PINX1: variants seen among roughly 807,000 people sequenced by gnomAD.
PINX1 encodes the protein PIN2 (TERF1) interacting telomerase inhibitor 1.
Under a neutral mutation model 25.4 loss-of-function variants are expected in PINX1, and 34 were observed. That is an observed-to-expected ratio of 1.34 (90% confidence interval 1.02 to 1.78). The LOEUF (loss-of-function observed/expected upper bound fraction) is 1.78, where lower values mean the gene tolerates loss of function less well. PINX1 is among the 40% of genes most tolerant of loss of function. PINX1 has a pLI of 0.00. For synonymous variants in PINX1, 197 were observed against 147.7 expected, an observed-to-expected ratio of 1.33 and a Z score of -2.42; for missense variants, 592 against 404.9, an observed-to-expected ratio of 1.46 and a Z score of -3.97.
Position 10,831,646 on chromosome 8 carries a change from T to C in PINX1, c.301+19A>G, listed in dbSNP as rs367930316. 6.0e-5 allele frequency: 90 copies of C among 1,511,478 alleles called. No individual in the cohort carries two copies. The African/African-American group carries it at 1.1e-3, about 19-fold the overall frequency. The allele number at this position is 1,511,478 out of a possible 1,614,324, so 93.6% of individuals were successfully genotyped here. ...TAAACATATTTGCATTGAGAACTTA[T>C]GTCATCTGATTTCCCTACCTGTGGT... On this transcript the variant is annotated intron_variant, in intron 4 of 6. Coordinates refer to ENST00000314787, the MANE Select transcript of PINX1 (RefSeq NM_017884.6).
chr8:10,774,608 A>ACT (rs200013202), intron 6 of PINX1, among the ~76,000 whole-genome samples: 3 of 152,218 alleles, frequency 2.0e-5, no homozygotes, highest in South Asian at 2.1e-4. Flanking sequence ...AGAATAAAAT[A>ACT]TTCATTTTGA....
rs139299081 is a variant in PINX1 at position 10,833,129 on chromosome 8, G to C, written c.130-145C>G. 413 of 553,012 alleles carry C rather than the reference G, an allele frequency of 7.5e-4. 1 individual carries two copies. In the African/African-American group the frequency reaches 7.5e-3, roughly 10 times the overall value. 34.3% of individuals were successfully genotyped at this position (553,012 alleles called of 1,614,324 possible). ...TAAATACTTTCACAAAGCAACATGG[G>C]GGAGGACTCTAAGTCCTCTGCATCA... On this transcript the variant is annotated intron_variant, in intron 2 of 6. Coordinates refer to ENST00000314787, the MANE Select transcript of PINX1 (RefSeq NM_017884.6).
intron 6 of PINX1, among the ~76,000 whole-genome samples, chr8:10,804,388 C>A (rs1022114139): frequency 6.6e-6 from 1 of 152,128 alleles, no homozygotes; most frequent in Admixed American, 6.5e-5. Flanking sequence ...TGACACAGAG[C>A]TGGGTGAGAA....
At chr8:10,818,726 C>A (rs1324686861) in intron 6 of PINX1, among the ~76,000 whole-genome samples, 1 of 152,004 alleles carries the variant, frequency 6.6e-6, no homozygotes, top group Admixed American at 6.6e-5. Context: ...GGAGTTGATA[C>A]AAAGGCTCAG....
intron 6 of PINX1, among the ~76,000 whole-genome samples, chr8:10,802,456 G>A (rs978544584): frequency 6.6e-6 from 1 of 152,204 alleles, no homozygotes; most frequent in African/African-American, 2.4e-5. Context: ...GCCTGGAATA[G>A]CTTTGTACTC....
At position 10,836,834 on chromosome 8, in the gene PINX1, G is replaced by C. The variant is rs927333506; in HGVS notation, c.20-2059C>G. On this transcript the variant is annotated intron_variant, in intron 1 of 6. Transcript: ENST00000314787. ...CAGAGCAGGCCTGCCATGCTTCCCA[G>C]ACTTCACTTGACCAGAACCCTGCTT... is the stretch of plus-strand genomic sequence containing the variant. Among the ~76,000 whole-genome samples the C allele has an allele frequency of 2.0e-5, 3 of 152,314 alleles. No individual in the cohort carries two copies. In the Middle Eastern group the frequency reaches 0.01, roughly 518 times the overall value.
intron 6 of PINX1, among the ~76,000 whole-genome samples, chr8:10,795,154 G>T (rs760006076): frequency 6.6e-6 from 1 of 152,144 alleles, no homozygotes; most frequent in East Asian, 1.9e-4. Context: ...CAAATCACTT[G>T]GTTGGGTGAA....
intron 1 of PINX1, among the ~76,000 whole-genome samples, chr8:10,837,935 G>A (rs528415405): frequency 1.3e-5 from 2 of 152,338 alleles, no homozygotes; most frequent in South Asian, 4.1e-4. Flanking sequence ...CTTAAAGGAA[G>A]CGAAAGCCTA....
At chr8:10,778,463 C>CT (rs1396967956) in intron 6 of PINX1, among the ~76,000 whole-genome samples, 2 of 152,168 alleles carry the variant, frequency 1.3e-5, no homozygotes, top group African/African-American at 4.8e-5. Flanking sequence ...TAACACATTT[C>CT]TCTGTCTCAT....
chr8:10,808,920 T>C (rs762307495), intron 6 of PINX1, among the ~76,000 whole-genome samples: 5 of 152,180 alleles, frequency 3.3e-5, no homozygotes, highest in Admixed American at 6.5e-5. Context: ...AAAACTGCAG[T>C]CACACAAACT....
At chr8:10,806,934 C>A (rs574858414) in intron 6 of PINX1, among the ~76,000 whole-genome samples, 1 of 152,190 alleles carries the variant, frequency 6.6e-6, no homozygotes. Context: ...TGGGGGTTCC[C>A]TAAGGAAATG....
Position 10,834,770 on chromosome 8 carries a change from G to A in PINX1, c.25C>T (p.Arg9Trp), listed in dbSNP as rs72547500. ...GGATCCACAGCCCACTTCTGCTTCC[G>A]CCGACCTGTAAATGAAAAAGCATTA... Reference protein sequence around the residue: MSMLAERRRKQKWAVDPQN... With the variant: MSMLAERRWKQKWAVDPQN... The change falls in exon 2 of 7, where the codon CGG (arginine) becomes TGG (tryptophan). Residue 9 changes from arginine to tryptophan, a missense_variant. By Grantham distance (101) the Arg-to-Trp change is moderately radical. Transcript: ENST00000314787. The A allele has an allele frequency of 9.4e-5, 151 of 1,610,446 alleles. No individual in the cohort carries two copies. In the East Asian group the frequency reaches 2.5e-3, roughly 27 times the overall value.
Position 10,839,737 on chromosome 8 carries a change from C to T in PINX1, c.19+1G>A, listed in dbSNP as rs1418046838. On this transcript the variant is annotated splice_donor_variant, in intron 1 of 6. Coordinates refer to ENST00000314787, the MANE Select transcript of PINX1 (RefSeq NM_017884.6). LOFTEE classifies it high-confidence loss of function. ...GTCGGGCCTCCGCTTCCGACACTCA[C>T]GTTCAGCCAGCATAGACATGTCGGA... 2 of 1,605,046 alleles carry T rather than the reference C, an allele frequency of 1.2e-6. No individual in the cohort carries two copies. Among genetic ancestry groups the T allele is most frequent in the South Asian group, 1.1e-5 (1 of 89,068 alleles).
At chr8:10,792,654 G>A (rs770982006) in intron 6 of PINX1, among the ~76,000 whole-genome samples, 43 of 152,068 alleles carry the variant, frequency 2.8e-4, no homozygotes, top group Non-Finnish European at 4.4e-4. Flanking sequence ...CCACATACAC[G>A]CCGCCGGTAC....
At position 10,765,581 on chromosome 8, in the gene PINX1, A is replaced by T. The variant is rs748405193; in HGVS notation, c.807T>A (p.Ser269Arg). 1.2e-6 allele frequency: 2 copies of T among 1,613,384 alleles called. No individual in the cohort carries two copies. The highest frequency in any genetic ancestry group is 1.7e-6 in the Non-Finnish European group (2 of 1,179,816). ...EQLRGPCWDQ[S>R]SKASAQDAGD... ...CTGCATCCTGAGCAGAGGCCTTGGA[A>T]CTCTGGTCCCAGCAGGGGCCTCTGA... Residue 269 changes from serine to arginine, a missense_variant, in exon 7 of 7, where the codon AGT becomes AGA. Ser to Arg is a moderately radical substitution (Grantham distance 110). Transcript: ENST00000314787.
At chr8:10,809,988 G>C (rs991625701) in intron 6 of PINX1, among the ~76,000 whole-genome samples, 2 of 152,236 alleles carry the variant, frequency 1.3e-5, no homozygotes, top group Non-Finnish European at 2.9e-5. Context: ...TTCCAATCAT[G>C]GTGGAAGGAG....
intron 6 of PINX1, among the ~76,000 whole-genome samples, chr8:10,802,477 T>C (rs73208762): frequency 0.17 from 25,454 of 152,258 alleles, 2,543 homozygotes; most frequent in Non-Finnish European, 0.23. Flanking sequence ...CACTCCATCA[T>C]CTTATGATTT....
intron 6 of PINX1, among the ~76,000 whole-genome samples, chr8:10,802,393 T>G (rs1802294107): frequency 6.6e-6 from 1 of 152,174 alleles, no homozygotes; most frequent in South Asian, 2.1e-4. Context: ...AAGGTTGACG[T>G]GTATGAAGAC....
intron 6 of PINX1, among the ~76,000 whole-genome samples, chr8:10,799,836 G>T (rs1041257816): frequency 6.6e-6 from 1 of 152,210 alleles, no homozygotes; most frequent in Non-Finnish European, 1.5e-5. Context: ...GGGCAAAGTA[G>T]GTTTTTTCCA....
Sources: gnomAD v4.1 joint callset for allele counts (sites outside exome capture counted in the v4.1 genomes callset) on GRCh38, gnomAD v4.1.1 for gene constraint, MANE v1.5 for transcripts, NCBI Gene and HGNC (gene_info 2026-07-23, HGNC 2026-07-21) for gene names.